Variants in NLRP14 observed in about 807,000 individuals in gnomAD.
NLRP14 encodes the protein NLR family pyrin domain containing 14.
A neutral mutation model predicts 94.7 loss-of-function variants in NLRP14; 105 were observed. That is an observed-to-expected ratio of 1.11 (90% CI 0.95 to 1.30). The LOEUF is 1.30. Ranked by LOEUF, NLRP14 falls within the 50% of genes most tolerant of loss-of-function variation. NLRP14 has a pLI of 0.00. For missense variants in NLRP14, 1,362 were observed against 1,254.1 expected (o/e 1.09, Z -1.30); for synonymous variants, 508 against 459.9 (o/e 1.10, Z -1.34).
At chr11:7,074,031 C>T (rs1163676961), downstream of NLRP14, among the ~76,000 whole-genome samples, 2 of 152,130 alleles carry the variant, frequency 1.3e-5, no homozygotes, top group Admixed American at 1.3e-4. Context: ...CAGCCCCCAT[C>T]CTGAAACTAT....
intron 1 of NLRP14, among the ~76,000 whole-genome samples, chr11:7,025,900 A>G (rs10742999): frequency 0.93 from 141,594 of 152,166 alleles, 66,757 homozygotes; most frequent in East Asian, 1. Context: ...TTAGAACTAC[A>G]ATACAATAAA....
intron 3 of NLRP14, among the ~76,000 whole-genome samples, chr11:7,040,796 T>C: frequency 6.6e-6 from 1 of 152,186 alleles, no homozygotes; most frequent in Admixed American, 6.5e-5. Context: ...TAAATGACCT[T>C]GAATATAACA....
chr11:7,042,702 G>C lies in NLRP14; in HGVS notation c.676G>C (p.Glu226Gln), dbSNP rs769925116. 1 of 1,614,232 alleles carries C rather than the reference G, an allele frequency of 6.2e-7. No homozygotes were observed. Among genetic ancestry groups the C allele is most frequent in the Non-Finnish European group, 8.5e-7 (1 of 1,180,032 alleles). ...LNGREINQLKERSFAQLISKD... is the reference protein window; with the variant it reads ...LNGREINQLKQRSFAQLISKD... The stretch of plus-strand genomic sequence containing the variant: ...TGGGAGAGAAATTAACCAGCTGAAA[G>C]AGAGAAGCTTTGCTCAATTGATATC... Residue 226 changes from glutamate to glutamine, a missense_variant, in exon 4 of 12, where the codon GAG becomes CAG. By Grantham distance (29) the Glu-to-Gln change is conservative. Coordinates refer to ENST00000299481, the MANE Select transcript of NLRP14 (RefSeq NM_176822.4).
chr11:7,082,126 T>C, the NLRP14 span, among the ~76,000 whole-genome samples: 4 of 152,170 alleles, frequency 2.6e-5, no homozygotes, highest in African/African-American at 9.7e-5. Context: ...GAACCAAATA[T>C]ATATATTTTT....
chr11:7,090,200 C>G, the NLRP14 span: 11 of 1,612,956 alleles, frequency 6.8e-6, no homozygotes, highest in Non-Finnish European at 9.3e-6. Context: ...GCTGCCCTCC[C>G]CAGCGTGATT....
At chr11:7,026,956 T>C (rs1044043079) in intron 1 of NLRP14, among the ~76,000 whole-genome samples, 4 of 151,576 alleles carry the variant, frequency 2.6e-5, no homozygotes, top group African/African-American at 9.7e-5. Flanking sequence ...AAACTTAAAG[T>C]ATAATAATAA....
At chr11:7,079,987 T>G in the NLRP14 span, among the ~76,000 whole-genome samples, 1 of 152,040 alleles carries the variant, frequency 6.6e-6, no homozygotes, top group African/African-American at 2.4e-5. Flanking sequence ...AGATGTGGAA[T>G]GTGGGCTGTA....
intron 6 of NLRP14, among the ~76,000 whole-genome samples, chr11:7,057,474 A>G (rs1033583476): frequency 6.6e-6 from 1 of 152,056 alleles, no homozygotes; most frequent in East Asian, 1.9e-4. Context: ...TGGGAATGTG[A>G]TAAACAATCT....
chr11:7,089,452 C>A, the NLRP14 span: 29 of 1,379,344 alleles, frequency 2.1e-5, 2 homozygotes, highest in South Asian at 4.6e-4. Flanking sequence ...CTGCGCGGAA[C>A]CCGCGGGGGT....
Position 7,039,733 on chromosome 11 carries a change from AC to A in NLRP14, c.311del (p.Pro104GlnfsTer27), listed in dbSNP as rs1170169586. 1 of 1,613,944 alleles carries A rather than the reference AC, an allele frequency of 6.2e-7. No individual in the cohort carries two copies. The highest frequency in any genetic ancestry group is 1.7e-5 in the Admixed American group (1 of 60,022). Reference protein sequence around the residue: ...EINWSAQTIGPDDAKAGETQE... With the variant: ...EINWSAQTIGXDDAKAGETQE... ...TTGCAGGGTCGGCCCAGACTATAGG[AC>A]CAGATGATGCCAAGGCTGGAGAGAC... is the stretch of plus-strand genomic sequence containing the variant. On this transcript the variant is annotated frameshift_variant, in exon 3 of 12. Coordinates refer to ENST00000299481, the MANE Select transcript of NLRP14 (RefSeq NM_176822.4). LOFTEE classifies it high-confidence loss of function.
At chr11:7,082,693 C>A in the NLRP14 span, among the ~76,000 whole-genome samples, 15 of 152,290 alleles carry the variant, frequency 9.8e-5, no homozygotes, top group Non-Finnish European at 1.8e-4. Context: ...TCCATTTATA[C>A]AAATTTTTCC....
the NLRP14 span, chr11:7,088,921 T>TC: frequency 1.6e-6 from 1 of 625,312 alleles, no homozygotes; most frequent in South Asian, 2.0e-5. Flanking sequence ...CGACGGCGAA[T>TC]TGGCCCTCTG....
chr11:7,041,793 A>C (rs1852255508), intron 3 of NLRP14, among the ~76,000 whole-genome samples: 1 of 152,214 alleles, frequency 6.6e-6, no homozygotes, highest in Non-Finnish European at 1.5e-5. Flanking sequence ...CTGAGATCCT[A>C]TCCTTTTAAT....
intron 3 of NLRP14, 128 bp from the exon 4 acceptor site, chr11:7,042,260 C>T: frequency 1.4e-6 from 1 of 693,908 alleles, no homozygotes; most frequent in South Asian, 1.9e-5. Flanking sequence ...AAAACCAGCT[C>T]TGATTTCAGC....
rs778621669 is a variant in NLRP14 at position 7,059,904 on chromosome 11, T to A, written c.2644T>A (p.Cys882Ser). Residue 882 changes from cysteine (C) to serine (S), a missense_variant, in exon 9 of 12, where the codon TGC becomes AGC. Transcript: ENST00000299481. ...CTLKSLVLRR[C>S]HFTSLSSEYL... The stretch of plus-strand genomic sequence containing the variant: ...TTGTCCTTCCTGTAGGCTGAGGCGT[T>A]GCCATTTCACTTCACTTAGCAGTGA... 1.1e-5 allele frequency: 17 copies of A among 1,612,102 alleles called. No individual in the cohort carries two copies. In the South Asian group the frequency reaches 1.9e-4, roughly 18 times the overall value.
At chr11:7,035,303 C>T (rs927065422) in intron 1 of NLRP14, among the ~76,000 whole-genome samples, 6 of 152,064 alleles carry the variant, frequency 3.9e-5, no homozygotes, top group African/African-American at 7.2e-5. Flanking sequence ...CCAGCCTGGG[C>T]GACAGAGCGA....
chr11:7,054,221 G>A (rs1486057396), intron 6 of NLRP14, among the ~76,000 whole-genome samples: 1 of 152,102 alleles, frequency 6.6e-6, no homozygotes. Flanking sequence ...TGGACATTTA[G>A]GTTGCTTCCA....
At chr11:7,070,624 T>A (rs190481188) in intron 11 of NLRP14, among the ~76,000 whole-genome samples, 168 bp downstream of exon 11, 2 of 152,206 alleles carry the variant, frequency 1.3e-5, no homozygotes, top group African/African-American at 4.8e-5. Context: ...AGATACAATA[T>A]AGCATAGTGG....
At chr11:7,044,197 T>A (rs772527630) in intron 4 of NLRP14, among the ~76,000 whole-genome samples, 19 of 152,282 alleles carry the variant, frequency 1.2e-4, no homozygotes, top group Admixed American at 7.2e-4. Flanking sequence ...GAGATGGCTT[T>A]TTTTGGCCTG....
Sources: allele counts gnomAD v4.1 joint callset (sites outside exome capture counted in the v4.1 genomes callset), GRCh38; gene constraint gnomAD v4.1.1; transcripts MANE v1.5; gene names NCBI Gene and HGNC (gene_info 2026-07-23, HGNC 2026-07-21).